The following PDZD2 variants were observed in gnomAD, a reference collection of about 807,000 sequenced individuals.
PDZD2 encodes the protein PDZ domain-containing protein 2.
PDZD2 carries 90 observed loss-of-function variants against 220.7 expected under a neutral mutation model. The observed-to-expected ratio is 0.41, with a 90% confidence interval of 0.34 to 0.49. The LOEUF (loss-of-function observed/expected upper bound fraction) is 0.49, where lower values mean the gene tolerates loss of function less well. Among genes scored for constraint, PDZD2 ranks in the 20% least tolerant of loss-of-function variants. PDZD2 has a pLI of 0.28. For missense variants in PDZD2, 3,174 were observed against 3,608.5 expected (o/e 0.88, Z 3.08); for synonymous variants, 1,375 against 1,450.5 (o/e 0.95, Z 1.18).
At chr5:31,755,050 C>T (rs886521717) in intron 1 of PDZD2, among the ~76,000 whole-genome samples, 5 of 152,256 alleles carry the variant, frequency 3.3e-5, no homozygotes, top group Non-Finnish European at 7.4e-5. Context: ...TGTGGGGCAT[C>T]CTGCTTGAAA....
chr5:32,050,183 G>A (rs328622), intron 8 of PDZD2, among the ~76,000 whole-genome samples: 29,191 of 151,960 alleles, frequency 0.19, 3,466 homozygotes, highest in South Asian at 0.32. Flanking sequence ...CACCTGCCTC[G>A]GCCTCCCAAA....
intron 2 of PDZD2, among the ~76,000 whole-genome samples, chr5:31,878,257 A>G (rs1406873057): frequency 6.6e-6 from 1 of 152,098 alleles, no homozygotes; most frequent in Non-Finnish European, 1.5e-5. Context: ...CACTTCATCC[A>G]CTGGAGATGC....
chr5:31,821,846 A>C (rs1270306387), intron 2 of PDZD2, among the ~76,000 whole-genome samples: 145 of 146,980 alleles, frequency 9.9e-4, no homozygotes, highest in African/African-American at 1.9e-3. Flanking sequence ...CCCTCCCCTT[A>C]CCCCCATCCC....
At chr5:31,698,069 A>T (rs1293536136) in intron 1 of PDZD2, among the ~76,000 whole-genome samples, 2 of 145,276 alleles carry the variant, frequency 1.4e-5, no homozygotes, top group Admixed American at 6.8e-5. Context: ...CACCCAGCTA[A>T]TTTTTTTTTT....
intron 6 of PDZD2, among the ~76,000 whole-genome samples, chr5:32,036,032 C>G (rs779586637): frequency 3.7e-4 from 56 of 152,102 alleles, no homozygotes; most frequent in Non-Finnish European, 7.6e-4. Flanking sequence ...CAACGTCTGC[C>G]TCACGAGTTC....
At chr5:32,027,043 C>G (rs937263626) in intron 6 of PDZD2, among the ~76,000 whole-genome samples, 42 of 152,320 alleles carry the variant, frequency 2.8e-4, no homozygotes, top group African/African-American at 9.4e-4. Context: ...ACTGGGATTA[C>G]AGGTGTGTGC....
intron 6 of PDZD2, among the ~76,000 whole-genome samples, chr5:32,028,635 TCTC>T (rs1754862677): frequency 6.6e-6 from 1 of 151,342 alleles, no homozygotes; most frequent in Non-Finnish European, 1.5e-5. Flanking sequence ...TCCTTTGATC[TCTC>T]CTATTTCTTA....
At chr5:31,916,035 T>G (rs1385131295) in intron 2 of PDZD2, among the ~76,000 whole-genome samples, 1 of 152,220 alleles carries the variant, frequency 6.6e-6, no homozygotes, top group African/African-American at 2.4e-5. Flanking sequence ...TTGTAGGTGC[T>G]CATAAAGTCT....
chr5:31,835,371 G>A (rs1756883669), intron 2 of PDZD2, among the ~76,000 whole-genome samples: 1 of 152,172 alleles, frequency 6.6e-6, no homozygotes, highest in South Asian at 2.1e-4. Flanking sequence ...TGTAATCTCA[G>A]CACTTGGGAG....
At chr5:31,840,340 C>A (rs2150282431) in intron 2 of PDZD2, among the ~76,000 whole-genome samples, 1 of 145,566 alleles carries the variant, frequency 6.9e-6, no homozygotes, top group African/African-American at 2.5e-5. Context: ...ATGGGCCTTG[C>A]AAATGCTATT....
At chr5:32,077,764 C>A in intron 19 of PDZD2, 158 bp downstream of exon 19, 2 of 645,416 alleles carry the variant, frequency 3.1e-6, no homozygotes, top group Non-Finnish European at 5.4e-6. Flanking sequence ...TGAGACCAGC[C>A]TGGCCAACAT....
At chr5:31,801,129 C>G (rs986112835) in intron 2 of PDZD2, among the ~76,000 whole-genome samples, 3 of 152,226 alleles carry the variant, frequency 2.0e-5, no homozygotes, top group African/African-American at 7.2e-5. Context: ...ACAACATGGT[C>G]CAAATTCAAA....
intron 1 of PDZD2, among the ~76,000 whole-genome samples, chr5:31,651,906 CCT>C (rs10591064): frequency 0.95 from 143,753 of 150,710 alleles, 68,609 homozygotes; most frequent in East Asian, 1. Context: ...GAACTTCCAC[CCT>C]CTCTGGGTTC....
At chr5:31,820,770 A>G (rs2150254408) in intron 2 of PDZD2, 1 of 152,228 alleles carries the variant, frequency 6.6e-6, no homozygotes, top group Non-Finnish European at 1.5e-5. Flanking sequence ...TTACACCCCT[A>G]CCAATAATGT....
intron 6 of PDZD2, among the ~76,000 whole-genome samples, chr5:32,029,329 T>TAAAAAAAAAAAAAAAAAAAAAAAAA (rs34025632): frequency 3.0e-5 from 2 of 65,834 alleles, no homozygotes; most frequent in Non-Finnish European, 5.3e-5. Flanking sequence ...TCAAGAACTG[T>TAAAAAAAAAAAAAAAAAAAAAAAAA]AAAAAAAAAA....
At chr5:31,719,220 A>G (rs1343045642) in intron 1 of PDZD2, among the ~76,000 whole-genome samples, 1 of 152,182 alleles carries the variant, frequency 6.6e-6, no homozygotes, top group Non-Finnish European at 1.5e-5. Context: ...TGTCTATTCA[A>G]TAAAATGTTG....
intron 1 of PDZD2, among the ~76,000 whole-genome samples, chr5:31,697,349 G>A (rs1175012795): frequency 6.6e-6 from 1 of 152,166 alleles, no homozygotes; most frequent in Non-Finnish European, 1.5e-5. Context: ...TGTAATTCCA[G>A]CTACTCAGAA....
intron 1 of PDZD2, among the ~76,000 whole-genome samples, chr5:31,736,777 A>T: frequency 6.6e-6 from 1 of 152,108 alleles, no homozygotes; most frequent in East Asian, 1.9e-4. Flanking sequence ...AGGTGTTTGG[A>T]TCATGGGGGC....
intron 2 of PDZD2, among the ~76,000 whole-genome samples, chr5:31,955,155 C>G (rs1747545699): frequency 1.3e-5 from 2 of 152,062 alleles, no homozygotes; most frequent in South Asian, 4.2e-4. Flanking sequence ...TGTCTTCTTT[C>G]TTTTTTGGAA....
Sources: gnomAD v4.1 joint callset for allele counts (sites outside exome capture counted in the v4.1 genomes callset) on GRCh38, gnomAD v4.1.1 for gene constraint, MANE v1.5 for transcripts, NCBI Gene and HGNC (gene_info 2026-07-23, HGNC 2026-07-21) for gene names.